FDXR: variants seen among roughly 807,000 people sequenced by gnomAD.
FDXR encodes the protein ferredoxin reductase, also known as NADPH:adrenodoxin oxidoreductase, mitochondrial.
A neutral mutation model predicts 58.3 loss-of-function variants in FDXR; 38 were observed. That is an observed-to-expected ratio of 0.65 (90% CI 0.50 to 0.85). The LOEUF is 0.85. FDXR is among the 40% of genes least tolerant of loss of function. The pLI, the probability that FDXR is intolerant of heterozygous loss-of-function variation, is 0.00. For synonymous variants in FDXR, 275 were observed against 273.8 expected (o/e 1.00, Z -0.04); for missense variants, 624 against 671.0 (o/e 0.93, Z 0.77).
Position 74,865,825 on chromosome 17 carries a change from A to T in FDXR, c.508-5T>A. The stretch of plus-strand genomic sequence containing the variant: ...ACAGCTCAGGTCTGGCTCCAGCTGG[A>T]GGGGAAAGGTCTTGATAGGGTCCCC... On this transcript the variant is annotated splice_polypyrimidine_tract_variant and splice_region_variant and intron_variant, in intron 5 of 11. Coordinates refer to ENST00000293195, the MANE Select transcript of FDXR (RefSeq NM_024417.5). 6.2e-7 allele frequency: 1 copy of T among 1,610,208 alleles called. No homozygotes were observed. The highest frequency in any genetic ancestry group is 8.5e-7 in the Non-Finnish European group (1 of 1,177,680).
chr17:74,864,969 G>T, intron 6 of FDXR, 38 bp from the exon 7 acceptor site: 2 of 1,613,672 alleles, frequency 1.2e-6, no homozygotes, highest in South Asian at 2.2e-5. Flanking sequence ...ATCAGACACT[G>T]ACCGAGGAAA....
At chr17:74,865,589 C>G (rs2038146693) in intron 6 of FDXR, 130 bp downstream of exon 6, 6 of 630,578 alleles carry the variant, frequency 9.5e-6, no homozygotes, top group Admixed American at 2.6e-5. Context: ...GAGCCTCTGC[C>G]TGGGCACCAC....
At chr17:74,863,356 C>T (rs899507366) in intron 10 of FDXR, 110 bp from the exon 11 acceptor site, 24 of 1,052,690 alleles carry the variant, frequency 2.3e-5, no homozygotes, top group Admixed American at 2.0e-4. Flanking sequence ...CCCCACGCCT[C>T]TTGGCAGACT....
chr17:74,867,019 G>A lies in FDXR; in HGVS notation c.178-143C>T, dbSNP rs1441025274. The A allele has an allele frequency of 2.7e-6, 4 of 1,477,200 alleles. No homozygotes were observed. In the South Asian group the frequency reaches 5.5e-5, roughly 20 times the overall value. The allele number at this position is 1,477,200 out of a possible 1,614,324, so 91.5% of individuals were successfully genotyped here. A position where few individuals can be genotyped will look rare whatever the true frequency, so the allele number is the denominator to read the frequency against. On this transcript the variant is annotated intron_variant, in intron 2 of 11. Coordinates refer to ENST00000293195, the MANE Select transcript of FDXR (RefSeq NM_024417.5). ...GGCTTCCACCCTCTGCAAGGAAAAA[G>A]AGCACTCACTCCTTGGGTGGCTCGC... is the stretch of plus-strand genomic sequence containing the variant.
Position 74,862,520 on chromosome 17 carries a change from C to T in FDXR, c.*297G>A. The T allele has an allele frequency of 3.0e-6, 1 of 328,804 alleles. No homozygotes were observed. Among genetic ancestry groups the T allele is most frequent in the Non-Finnish European group, 5.5e-6 (1 of 180,746 alleles). The allele number at this position is 328,804 out of a possible 1,614,324, so 20.4% of individuals were successfully genotyped here. ...GCTCTTGGTTGCAGCTGTTTTATTTCCAGCATGTTCCCAACCTGGTGACCC... is the reference window on the plus strand; with the variant it reads ...GCTCTTGGTTGCAGCTGTTTTATTTTCAGCATGTTCCCAACCTGGTGACCC... On this transcript the variant is annotated 3_prime_UTR_variant, in exon 12 of 12. Transcript: ENST00000293195.
intron 2 of FDXR, chr17:74,870,080 C>T (rs2038320585): frequency 2.5e-6 from 1 of 404,224 alleles, no homozygotes. Flanking sequence ...GTCTTAGGAG[C>T]ACAGCCAGTA....
At position 74,872,956 on chromosome 17, in the gene FDXR, G is replaced by C. The variant is rs1201776409; in HGVS notation, c.-12C>G. 2.6e-6 allele frequency: 4 copies of C among 1,550,248 alleles called. No homozygotes were observed. Among genetic ancestry groups the C allele is most frequent in the Non-Finnish European group, 3.5e-6 (4 of 1,147,358 alleles). On this transcript the variant is annotated 5_prime_UTR_variant, in exon 1 of 12. Coordinates refer to ENST00000293195, the MANE Select transcript of FDXR (RefSeq NM_024417.5). ...CAGCGCGAAGCCATGGCTGGGAGCAGCAACCTGCAAGTGGATCTGTTCCTA... is the reference window on the plus strand; with the variant it reads ...CAGCGCGAAGCCATGGCTGGGAGCACCAACCTGCAAGTGGATCTGTTCCTA...
At chr17:74,872,432 A>C (rs999036219) in intron 1 of FDXR, 1 of 709,166 alleles carries the variant, frequency 1.4e-6, no homozygotes, top group Non-Finnish European at 2.3e-6. Context: ...CATCCTTCCA[A>C]CGGCCTCCAT....
chr17:74,872,766 C>T, intron 1 of FDXR, 100 bp downstream of exon 1: 2 of 1,536,388 alleles, frequency 1.3e-6, no homozygotes, highest in Non-Finnish European at 1.7e-6. Flanking sequence ...CCTTCAGTCT[C>T]ACCCTTCTCC....
intron 2 of FDXR, chr17:74,869,972 C>T: frequency 2.2e-6 from 1 of 453,814 alleles, no homozygotes; most frequent in Admixed American, 2.3e-5. Flanking sequence ...AGGCACGACA[C>T]CTGCTTTGCA....
rs1159204085 is a variant in FDXR, at chr17:74,872,064, C to G, written c.149G>C (p.Gly50Ala). 6.2e-7 allele frequency: 1 copy of G among 1,602,776 alleles called. No homozygotes were observed. Among genetic ancestry groups the G allele is most frequent in the Non-Finnish European group, 8.5e-7 (1 of 1,174,342 alleles). The change falls in exon 2 of 12, where the codon GGC becomes GCC. Residue 50 changes from glycine (G) to alanine (A), a missense_variant. Transcript: ENST00000293195. The part of the protein sequence containing the change: ...QICVVGSGPA[G>A]FYTAQHLLKH... ...TAGCAGGTGTTGGGCCGTGTAGAAG[C>G]CAGCTGGGCCACTGCCCACCACACA...
Position 74,870,161 on chromosome 17 carries a change from C to T in FDXR, c.177+1875G>A. 4 of 294,468 alleles carry T rather than the reference C, an allele frequency of 1.4e-5. 1 individual carries two copies. The highest frequency in any genetic ancestry group is 2.9e-3 in the Middle Eastern group (2 of 690). 18.2% of individuals were successfully genotyped at this position (294,468 alleles called of 1,614,324 possible). ...AGGATTGTACCTGGCCTGAGCCCCT[C>T]CCCATCCCATTCCACAAGGAAAGCA... On this transcript the variant is annotated intron_variant, in intron 2 of 11. Transcript: ENST00000293195.
At chr17:74,872,807 C>T (rs2144688812) in intron 1 of FDXR, 59 bp downstream of exon 1, 3 of 1,541,090 alleles carry the variant, frequency 1.9e-6, no homozygotes, top group South Asian at 1.2e-5. Context: ...CCGACCCCTA[C>T]TCAGCGCTCG....
At chr17:74,872,830 C>G in intron 1 of FDXR, 36 bp downstream of exon 1, 1 of 1,543,800 alleles carries the variant, frequency 6.5e-7, no homozygotes, top group Non-Finnish European at 8.7e-7. Flanking sequence ...GGCCTCCCCG[C>G]GCTCCCATCC....
rs1294892040 is a variant in FDXR at position 74,872,950 on chromosome 17, G to A, written c.-6C>T. Reference sequence around the variant, plus strand: ...CGCCAGCAGCGCGAAGCCATGGCTGGGAGCAGCAACCTGCAAGTGGATCTG... The same window carrying A: ...CGCCAGCAGCGCGAAGCCATGGCTGAGAGCAGCAACCTGCAAGTGGATCTG... On this transcript the variant is annotated 5_prime_UTR_variant, in exon 1 of 12. Transcript: ENST00000293195. 6.4e-7 allele frequency: 1 copy of A among 1,554,264 alleles called. No individual in the cohort carries two copies. Among genetic ancestry groups the A allele is most frequent in the South Asian group, 1.2e-5 (1 of 84,424 alleles).
In FDXR at chr17:74,866,245, C is replaced by G. The variant is rs370799304; in HGVS notation, c.394-1G>C. On this transcript the variant is annotated splice_acceptor_variant, in intron 4 of 11. Coordinates refer to ENST00000293195, the MANE Select transcript of FDXR (RefSeq NM_024417.5). LOFTEE classifies it high-confidence loss of function. ...CCCGATGGTCCTCTGCCCCGTAGCT[C>G]TGATGAAAGATGGCAGGCCCGAGAC... 3 of 1,612,726 alleles carry G rather than the reference C, an allele frequency of 1.9e-6. No individual in the cohort carries two copies. The highest frequency in any genetic ancestry group is 2.5e-6 in the Non-Finnish European group (3 of 1,179,282).
intron 2 of FDXR, chr17:74,868,664 C>G (rs921144665): frequency 1.3e-6 from 2 of 1,534,936 alleles, no homozygotes; most frequent in African/African-American, 1.4e-5. Context: ...CCTTATCTCT[C>G]GTGGCTGACC....
In FDXR at chr17:74,862,803, G is replaced by A; in HGVS notation, c.*14C>T. On this transcript the variant is annotated 3_prime_UTR_variant, in exon 12 of 12. Coordinates refer to ENST00000293195, the MANE Select transcript of FDXR (RefSeq NM_024417.5). ...TCATCCCTTCCCTGCTGGGGGCCGG[G>A]GCTGGGGCTGGGCTCAGTGGCCCAG... 6.2e-7 allele frequency: 1 copy of A among 1,603,104 alleles called. No homozygotes were observed. Among genetic ancestry groups the A allele is most frequent in the Non-Finnish European group, 8.5e-7 (1 of 1,177,154 alleles).
chr17:74,872,427 T>C (rs2038404424), intron 1 of FDXR: 1 of 729,626 alleles, frequency 1.4e-6, no homozygotes, highest in South Asian at 1.9e-5. Context: ...TCCCACATCC[T>C]TCCAACGGCC....
Sources: allele counts gnomAD v4.1 joint callset, GRCh38; gene constraint gnomAD v4.1.1; transcripts MANE v1.5; gene names NCBI Gene and HGNC (gene_info 2026-07-23, HGNC 2026-07-21).